Variants in EPHA5 observed in about 807,000 individuals in gnomAD.
EPHA5 encodes EPH receptor A5, also known as ephrin type-A receptor 5.
A neutral mutation model predicts 105.0 loss-of-function variants in EPHA5; 60 were observed. That is an observed-to-expected ratio of 0.57 (90% CI 0.46 to 0.71). EPHA5 has a LOEUF of 0.71. Among genes scored for constraint, EPHA5 ranks in the 30% least tolerant of loss-of-function variants. EPHA5 has a pLI of 0.00. For synonymous variants in EPHA5, 513 were observed against 449.1 expected (o/e 1.14, Z -1.80); for missense variants, 1,218 against 1,274.7 (o/e 0.96, Z 0.68).
At chr4:65,334,165 C>T (rs2148807279) in intron 15 of EPHA5, among the ~76,000 whole-genome samples, 1 of 152,002 alleles carries the variant, frequency 6.6e-6, no homozygotes, top group African/African-American at 2.4e-5. Flanking sequence ...TGTCTCTCTC[C>T]CAACAGTGCA....
intron 3 of EPHA5, among the ~76,000 whole-genome samples, chr4:65,508,564 C>A (rs575391133): frequency 6.6e-6 from 1 of 152,158 alleles, no homozygotes; most frequent in Non-Finnish European, 1.5e-5. Flanking sequence ...GTACAATTAA[C>A]TATGTGCTAT....
At chr4:65,558,388 G>T (rs1738672661) in intron 3 of EPHA5, among the ~76,000 whole-genome samples, 1 of 152,050 alleles carries the variant, frequency 6.6e-6, no homozygotes, top group African/African-American at 2.4e-5. Flanking sequence ...TAATAAAATA[G>T]AATATCATTA....
At chr4:65,527,741 A>G (rs900574510) in intron 3 of EPHA5, among the ~76,000 whole-genome samples, 2 of 152,124 alleles carry the variant, frequency 1.3e-5, no homozygotes, top group East Asian at 3.9e-4. Flanking sequence ...TTTGTTACAC[A>G]GGTAAACTTG....
At chr4:65,435,780 T>G (rs1478826301) in intron 5 of EPHA5, among the ~76,000 whole-genome samples, 1 of 151,638 alleles carries the variant, frequency 6.6e-6, no homozygotes, top group Admixed American at 6.6e-5. Flanking sequence ...CTAGTTTCTC[T>G]CTGATGGTTA....
chr4:65,586,489 A>G (rs1742138923), intron 3 of EPHA5, among the ~76,000 whole-genome samples: 1 of 151,880 alleles, frequency 6.6e-6, no homozygotes, highest in African/African-American at 2.4e-5. Context: ...AACAGGTAGC[A>G]GTTACTATTT....
intron 14 of EPHA5, among the ~76,000 whole-genome samples, chr4:65,338,708 T>TA (rs1397755648): frequency 6.6e-6 from 1 of 152,172 alleles, no homozygotes; most frequent in African/African-American, 2.4e-5. Context: ...GAATTTATTT[T>TA]AAAAATAGAT....
intron 8 of EPHA5, among the ~76,000 whole-genome samples, chr4:65,383,658 A>G (rs1719797146): frequency 6.6e-6 from 1 of 151,892 alleles, no homozygotes; most frequent in South Asian, 2.1e-4. Context: ...GAAGACTTCA[A>G]TAATGCCCTG....
At chr4:65,624,440 G>C (rs200759742) in intron 2 of EPHA5, among the ~76,000 whole-genome samples, 4 of 152,070 alleles carry the variant, frequency 2.6e-5, no homozygotes, top group Admixed American at 2.0e-4. Flanking sequence ...CCTACAGACA[G>C]GGGCAAGAAC....
intron 3 of EPHA5, among the ~76,000 whole-genome samples, chr4:65,569,313 T>C (rs1057374455): frequency 1.1e-4 from 16 of 151,626 alleles, no homozygotes; most frequent in Non-Finnish European, 1.6e-4. Flanking sequence ...TTTATCTTAA[T>C]TAGTACAATT....
chr4:65,372,569 A>G (rs1158413696), intron 8 of EPHA5, among the ~76,000 whole-genome samples: 3 of 151,858 alleles, frequency 2.0e-5, no homozygotes, highest in Non-Finnish European at 2.9e-5. Context: ...ATTTTTACTT[A>G]CTAAATATTT....
intron 2 of EPHA5, among the ~76,000 whole-genome samples, chr4:65,637,997 G>A (rs1055983753): frequency 6.6e-6 from 1 of 151,912 alleles, no homozygotes; most frequent in Non-Finnish European, 1.5e-5. Flanking sequence ...TGATTATGAG[G>A]AATGAATAAT....
chr4:65,504,242 A>C (rs1370730167), intron 3 of EPHA5, among the ~76,000 whole-genome samples: 2 of 151,270 alleles, frequency 1.3e-5, no homozygotes, highest in Non-Finnish European at 3.0e-5. Flanking sequence ...AAAAATGGCA[A>C]AATACTTTTA....
At chr4:65,388,208 A>T (rs1406256638) in intron 8 of EPHA5, among the ~76,000 whole-genome samples, 25 of 149,210 alleles carry the variant, frequency 1.7e-4, no homozygotes, top group Non-Finnish European at 3.4e-4. Flanking sequence ...TTCTTAATCC[A>T]GTCTATCATT....
chr4:65,486,265 A>AC (rs1377835608), intron 5 of EPHA5, among the ~76,000 whole-genome samples: 61 of 144,380 alleles, frequency 4.2e-4, no homozygotes, highest in African/African-American at 6.5e-4. Context: ...CCCCATTTAC[A>AC]CCCCCCCACC....
intron 5 of EPHA5, among the ~76,000 whole-genome samples, chr4:65,453,296 C>G (rs116442516): frequency 0.014 from 2,073 of 152,206 alleles, 31 homozygotes; most frequent in Non-Finnish European, 0.019. Context: ...ATTTTGTAAA[C>G]ATGTTTTTAC....
At chr4:65,404,528 C>T (rs1324397860) in intron 7 of EPHA5, 49 bp from the exon 8 acceptor site, 1 of 1,534,876 alleles carries the variant, frequency 6.5e-7, no homozygotes. Flanking sequence ...TGATCACATG[C>T]ATTCAAAATA....
intron 2 of EPHA5, among the ~76,000 whole-genome samples, chr4:65,631,784 A>T (rs1297508567): frequency 6.6e-6 from 1 of 151,838 alleles, no homozygotes; most frequent in African/African-American, 2.4e-5. Context: ...TATTATGGAT[A>T]AAGGTCATTT....
chr4:65,468,635 A>C (rs1225284441), intron 5 of EPHA5, among the ~76,000 whole-genome samples: 1 of 125,558 alleles, frequency 8.0e-6, no homozygotes, highest in Non-Finnish European at 1.6e-5. Flanking sequence ...TAAAATATAT[A>C]TAACATATAT....
intron 9 of EPHA5, 89 bp downstream of exon 9, chr4:65,367,268 A>C: frequency 3.7e-6 from 4 of 1,083,174 alleles, no homozygotes; most frequent in Non-Finnish European, 4.0e-6. Context: ...TTGGTCAGTT[A>C]TTATAAATCT....
Sources: allele counts gnomAD v4.1 joint callset (sites outside exome capture counted in the v4.1 genomes callset), GRCh38; gene constraint gnomAD v4.1.1; transcripts MANE v1.5; gene names NCBI Gene and HGNC (gene_info 2026-07-23, HGNC 2026-07-21).